RARB: variants seen among roughly 807,000 people sequenced by gnomAD.
RARB encodes retinoic acid receptor beta.
In RARB, 17 loss-of-function variants were observed where a neutral mutation model predicts 51.9. The ratio of observed to expected loss-of-function variants is 0.33; its 90% CI spans 0.22 to 0.49. RARB has a LOEUF of 0.49. Among genes scored for constraint, RARB ranks in the 20% least tolerant of loss-of-function variants. RARB has a pLI of 0.99. For missense variants in RARB, 369 were observed against 550.8 expected (o/e 0.67, Z 3.30); for synonymous variants, 215 against 195.4 (o/e 1.10, Z -0.84).
intron 1 of RARB, among the ~76,000 whole-genome samples, chr3:24,852,492 G>T (rs971043448): frequency 3.3e-5 from 5 of 151,952 alleles, no homozygotes; most frequent in African/African-American, 1.2e-4. Flanking sequence ...TTATGACCCA[G>T]GATTTCTATT....
At chr3:24,860,391 G>A (rs899736963) in intron 2 of RARB, among the ~76,000 whole-genome samples, 3 of 152,150 alleles carry the variant, frequency 2.0e-5, no homozygotes, top group African/African-American at 4.8e-5. Context: ...AGAGTTGTCA[G>A]CTTGGTTGCT....
At chr3:25,083,262 C>G (rs1212788909) in intron 3 of RARB, among the ~76,000 whole-genome samples, 1 of 152,020 alleles carries the variant, frequency 6.6e-6, no homozygotes, top group African/African-American at 2.4e-5. Context: ...CCAAATCTGT[C>G]TTTTCTTAGG....
chr3:25,260,128 G>C (rs188160963), intron 5 of RARB, among the ~76,000 whole-genome samples: 1 of 152,230 alleles, frequency 6.6e-6, no homozygotes, highest in African/African-American at 2.4e-5. Flanking sequence ...ACTCTGTTCT[G>C]AGATCAGCCT....
intron 5 of RARB, among the ~76,000 whole-genome samples, chr3:25,583,120 A>G (rs1255769445): frequency 6.6e-6 from 1 of 152,000 alleles, no homozygotes; most frequent in African/African-American, 2.4e-5. Flanking sequence ...AAGGGCAAAG[A>G]CCTCCAATCA....
chr3:25,297,089 T>C (rs773845761), intron 5 of RARB, among the ~76,000 whole-genome samples: 1 of 152,196 alleles, frequency 6.6e-6, no homozygotes. Context: ...TGTAGACTTA[T>C]AAGAGTTCCA....
At chr3:25,357,156 T>C (rs139334476) in intron 5 of RARB, among the ~76,000 whole-genome samples, 7,270 of 152,176 alleles carry the variant, frequency 0.048, 584 homozygotes, top group African/African-American at 0.16. Flanking sequence ...TCCTATTTCT[T>C]CACATCCTCT....
At chr3:25,013,757 C>G (rs1697447232) in intron 2 of RARB, among the ~76,000 whole-genome samples, 1 of 152,028 alleles carries the variant, frequency 6.6e-6, no homozygotes, top group South Asian at 2.1e-4. Flanking sequence ...GAAAGGTCTC[C>G]CACACCGGGC....
chr3:25,256,345 T>C (rs1702864816), intron 5 of RARB, among the ~76,000 whole-genome samples: 1 of 152,186 alleles, frequency 6.6e-6, no homozygotes, highest in African/African-American at 2.4e-5. Context: ...CTTATCTCCT[T>C]TTTCTCATAT....
At chr3:24,950,057 C>T (rs905958293) in intron 2 of RARB, among the ~76,000 whole-genome samples, 2 of 152,324 alleles carry the variant, frequency 1.3e-5, no homozygotes, top group South Asian at 2.1e-4. Context: ...AGGTGAGCAT[C>T]ACCTTGTAAA....
At chr3:25,171,430 C>T (rs865928552) in intron 4 of RARB, among the ~76,000 whole-genome samples, 1 of 127,022 alleles carries the variant, frequency 7.9e-6, no homozygotes, top group Middle Eastern at 4.9e-3. Flanking sequence ...GGGATTTTCT[C>T]GACACATTGA....
At chr3:25,235,917 C>G (rs1275480315) in intron 5 of RARB, among the ~76,000 whole-genome samples, 1 of 152,036 alleles carries the variant, frequency 6.6e-6, no homozygotes, top group South Asian at 2.1e-4. Context: ...GTTAATCAAC[C>G]CTGTTTTCTT....
intron 5 of RARB, among the ~76,000 whole-genome samples, chr3:25,294,032 G>A (rs1703856608): frequency 6.6e-6 from 1 of 152,248 alleles, no homozygotes; most frequent in East Asian, 1.9e-4. Context: ...AACTTCGGAG[G>A]AGGTAAGGAG....
At chr3:24,968,368 C>A (rs1209635414) in intron 2 of RARB, among the ~76,000 whole-genome samples, 1 of 152,102 alleles carries the variant, frequency 6.6e-6, no homozygotes, top group Admixed American at 6.6e-5. Flanking sequence ...TTTCCCATGA[C>A]TAAAATAACA....
At chr3:24,852,156 T>A (rs1702568467) in intron 1 of RARB, among the ~76,000 whole-genome samples, 1 of 152,222 alleles carries the variant, frequency 6.6e-6, no homozygotes, top group South Asian at 2.1e-4. Context: ...GGGTTAACAG[T>A]AATATATTTA....
chr3:25,034,887 A>C (rs1472676303), intron 2 of RARB, among the ~76,000 whole-genome samples: 2 of 152,238 alleles, frequency 1.3e-5, no homozygotes, highest in African/African-American at 4.8e-5. Context: ...TGGCAACTGC[A>C]GCTGGAGCTC....
chr3:25,111,583 G>GTT (rs370598264), intron 3 of RARB, among the ~76,000 whole-genome samples: 18,601 of 120,780 alleles, frequency 0.15, 2,210 homozygotes, highest in Non-Finnish European at 0.22. Flanking sequence ...TCTAACAGTG[G>GTT]TTTTTTTTTT....
intron 2 of RARB, among the ~76,000 whole-genome samples, chr3:25,469,377 A>G (rs1695587619): frequency 6.6e-6 from 1 of 152,192 alleles, no homozygotes; most frequent in Admixed American, 6.5e-5. Flanking sequence ...TTTGGAGAAT[A>G]TTTTTAGCTT....
Position 25,165,221 on chromosome 3 carries a change from T to G in RARB, c.-279-8898T>G, listed in dbSNP as rs375095650. ...GAAGCACAGTTGTAGCTACTGTGAC[T>G]CTTTTTGTCTCTGTTTCTATCAGTA... On this transcript the variant is annotated intron_variant, in intron 4 of 11. Coordinates refer to the RARB transcript ENST00000383772. Among the ~76,000 whole-genome samples, 12 of 152,166 alleles carry G rather than the reference T, an allele frequency of 7.9e-5. No homozygotes were observed. The East Asian group carries it at 9.6e-4, about 12-fold the overall frequency.
In RARB at chr3:25,580,636, G is replaced by A. The variant is rs1406645042; in HGVS notation, c.700G>A (p.Glu234Lys). The change falls in exon 5 of 8, where the codon GAG becomes AAG. Residue 234 changes from glutamate (E) to lysine (K), a missense_variant. Glu to Lys is a moderately conservative substitution (Grantham distance 56, BLOSUM62 1). This residue lies in a region of RARB where 49 missense variants were observed against 103.4 expected (regional missense o/e 0.47). Transcript: ENST00000330688. ...CACCAAGTGCATTATTAAGATCGTG[G>A]AGTTTGCTAAACGTCTGCCTGGTTT... The part of the protein sequence containing the change: ...LATKCIIKIV[E>K]FAKRLPGFTG... 6.2e-7 allele frequency: 1 copy of A among 1,613,224 alleles called. No homozygotes were observed. Among genetic ancestry groups the A allele is most frequent in the Non-Finnish European group, 8.5e-7 (1 of 1,179,284 alleles).
Sources: allele counts gnomAD v4.1 joint callset (sites outside exome capture counted in the v4.1 genomes callset), GRCh38; gene constraint gnomAD v4.1.1; regional missense constraint gnomAD v4.1.1; transcripts MANE v1.5; gene names NCBI Gene and HGNC (gene_info 2026-07-23, HGNC 2026-07-21).